The following SAMD12 variants were observed in gnomAD, a reference collection of about 807,000 sequenced individuals.
The protein encoded by SAMD12 is sterile alpha motif domain containing 12.
In SAMD12, 9 loss-of-function variants were observed where a neutral mutation model predicts 15.0. The ratio of observed to expected loss-of-function variants is 0.60; its 90% CI spans 0.36 to 1.05. The LOEUF (loss-of-function observed/expected upper bound fraction) is 1.05, where lower values mean the gene tolerates loss of function less well. Ranked by LOEUF, SAMD12 falls within the 50% of genes least tolerant of loss-of-function variation. The pLI is 0.01. For synonymous variants in SAMD12, 86 were observed against 90.1 expected, an observed-to-expected ratio of 0.96 and a Z score of 0.25; for missense variants, 230 against 234.2, an observed-to-expected ratio of 0.98 and a Z score of 0.12.
chr8:118,144,049 T>C, the SAMD12 span, among the ~76,000 whole-genome samples: 4 of 152,168 alleles, frequency 2.6e-5, no homozygotes, highest in Non-Finnish European at 5.9e-5. Flanking sequence ...CAGCTTCTGG[T>C]AGCTCCAGGC....
intron 2 of SAMD12, among the ~76,000 whole-genome samples, chr8:118,526,327 G>A (rs1464042334): frequency 6.6e-6 from 1 of 152,048 alleles, no homozygotes; most frequent in African/African-American, 2.4e-5. Flanking sequence ...ATGATATTAA[G>A]AGGTCTCTAA....
At chr8:118,528,110 T>G (rs897479525) in intron 2 of SAMD12, among the ~76,000 whole-genome samples, 1 of 152,176 alleles carries the variant, frequency 6.6e-6, no homozygotes, top group Non-Finnish European at 1.5e-5. Flanking sequence ...CACTGCAACC[T>G]CTGCCTCCCA....
chr8:118,526,859 G>A (rs1563910011), intron 2 of SAMD12, among the ~76,000 whole-genome samples: 1 of 152,154 alleles, frequency 6.6e-6, no homozygotes, highest in African/African-American at 2.4e-5. Flanking sequence ...TGATCTGCAG[G>A]GCTAAAAGGA....
At chr8:118,329,903 G>C (rs1816736662) in intron 4 of SAMD12, among the ~76,000 whole-genome samples, 1 of 151,896 alleles carries the variant, frequency 6.6e-6, no homozygotes, top group African/African-American at 2.4e-5. Context: ...CAACATCTAT[G>C]GGAGAGGTTC....
At chr8:118,578,462 T>G (rs780672759) in intron 2 of SAMD12, among the ~76,000 whole-genome samples, 1 of 152,204 alleles carries the variant, frequency 6.6e-6, no homozygotes, top group Non-Finnish European at 1.5e-5. Context: ...TTTACATTAC[T>G]GAATGGCTTT....
At chr8:118,500,045 G>T (rs1057374920) in intron 2 of SAMD12, among the ~76,000 whole-genome samples, 1 of 142,232 alleles carries the variant, frequency 7.0e-6, no homozygotes, top group Non-Finnish European at 1.5e-5. Context: ...TGCTCCCCAG[G>T]ATACACGCCC....
intron 4 of SAMD12, among the ~76,000 whole-genome samples, chr8:118,355,439 G>A (rs367729083): frequency 2.6e-5 from 4 of 151,890 alleles, no homozygotes; most frequent in South Asian, 2.1e-4. Context: ...GGTGATGGGT[G>A]GACTAAAATC....
chr8:118,563,927 G>A (rs912009886), intron 2 of SAMD12, among the ~76,000 whole-genome samples: 1 of 152,154 alleles, frequency 6.6e-6, no homozygotes, highest in African/African-American at 2.4e-5. Flanking sequence ...TGGCAGAGTT[G>A]GCTAGAAACA....
intron 1 of SAMD12, among the ~76,000 whole-genome samples, chr8:118,618,693 A>T (rs1828310525): frequency 6.6e-6 from 1 of 152,016 alleles, no homozygotes; most frequent in Admixed American, 6.5e-5. Context: ...CAAAAAAATC[A>T]GCCGGGCGTG....
At chr8:118,141,552 A>G in the SAMD12 span, among the ~76,000 whole-genome samples, 1 of 152,206 alleles carries the variant, frequency 6.6e-6, no homozygotes. Context: ...TCCTGCTAAC[A>G]GTCTGATATT....
At chr8:118,274,853 C>T (rs1813436954) in intron 4 of SAMD12, among the ~76,000 whole-genome samples, 1 of 152,100 alleles carries the variant, frequency 6.6e-6, no homozygotes, top group Non-Finnish European at 1.5e-5. Context: ...TTTATCAATT[C>T]TAAGTCAAAG....
chr8:118,245,680 G>C (rs1393306088), intron 4 of SAMD12, among the ~76,000 whole-genome samples: 1 of 152,096 alleles, frequency 6.6e-6, no homozygotes, highest in African/African-American at 2.4e-5. Context: ...CATAGTAGCT[G>C]CCTTCAGGGA....
At chr8:118,503,817 A>C (rs924129249) in intron 2 of SAMD12, among the ~76,000 whole-genome samples, 9 of 152,196 alleles carry the variant, frequency 5.9e-5, no homozygotes, top group African/African-American at 1.2e-4. Flanking sequence ...AAGCAGAACT[A>C]AAAGAAAAAT....
At chr8:118,352,673 T>G (rs1199221643) in intron 4 of SAMD12, among the ~76,000 whole-genome samples, 1 of 152,146 alleles carries the variant, frequency 6.6e-6, no homozygotes, top group Admixed American at 6.5e-5. Flanking sequence ...ATTGAGGCAA[T>G]AAAACGATCA....
chr8:118,408,095 C>G (rs980339098), intron 3 of SAMD12, among the ~76,000 whole-genome samples: 1 of 152,132 alleles, frequency 6.6e-6, no homozygotes, highest in African/African-American at 2.4e-5. Flanking sequence ...TCCTCTTTAC[C>G]CAAGTTTATA....
At chr8:118,215,703 G>A (rs894279887) in intron 4 of SAMD12, among the ~76,000 whole-genome samples, 2 of 151,468 alleles carry the variant, frequency 1.3e-5, no homozygotes, top group African/African-American at 4.9e-5. Flanking sequence ...CTATGAGTGA[G>A]AATATGCAGT....
rs1200102015 is a variant in SAMD12 at position 118,614,778 on chromosome 8, C to A, written c.13+7026G>T. ...TGTCACCCAACAGCTGCTGTCCTGTCCTGCTCTTCACGCGGGAGGCAAGCT... is the reference window on the plus strand; with the variant it reads ...TGTCACCCAACAGCTGCTGTCCTGTACTGCTCTTCACGCGGGAGGCAAGCT... On this transcript the variant is annotated intron_variant, in intron 1 of 3. Transcript: ENST00000314727. 5.3e-5 allele frequency among the ~76,000 whole-genome samples: 8 copies of A among 152,226 alleles called. No individual in the cohort carries two copies. The East Asian group carries it at 1.5e-3, about 29-fold the overall frequency.
chr8:118,381,832 GT>G (rs1452812984), intron 3 of SAMD12, among the ~76,000 whole-genome samples: 3 of 152,218 alleles, frequency 2.0e-5, no homozygotes, highest in Non-Finnish European at 4.4e-5. Context: ...GTGATAATCT[GT>G]TATAGCAGCA....
At chr8:118,165,637 C>CATATATAT in the SAMD12 span, among the ~76,000 whole-genome samples, 7 of 102,216 alleles carry the variant, frequency 6.8e-5, no homozygotes, top group South Asian at 3.3e-4. Context: ...TATATATATA[C>CATATATAT]ATATATATAT....
Sources: allele counts gnomAD v4.1 joint callset (sites outside exome capture counted in the v4.1 genomes callset), GRCh38; gene constraint gnomAD v4.1.1; transcripts MANE v1.5; gene names NCBI Gene and HGNC (gene_info 2026-07-23, HGNC 2026-07-21).